SLC4A5: variants seen among roughly 807,000 people sequenced by gnomAD.
SLC4A5 encodes electrogenic sodium bicarbonate cotransporter 4.
SLC4A5 carries 96 observed loss-of-function variants against 120.4 expected under a neutral mutation model. The ratio of observed to expected loss-of-function variants is 0.80; its 90% confidence interval spans 0.68 to 0.94. The LOEUF (loss-of-function observed/expected upper bound fraction) is 0.94, where lower values mean the gene tolerates loss of function less well. SLC4A5 is among the 40% of genes least tolerant of loss of function. SLC4A5 has a pLI of 0.00. For missense variants in SLC4A5, 1,259 were observed against 1,459.5 expected (o/e 0.86, Z 2.24); for synonymous variants, 550 against 571.1 (o/e 0.96, Z 0.53).
At chr2:74,219,455 A>G (rs561896969) in intron 30 of SLC4A5, among the ~76,000 whole-genome samples, 11 of 152,144 alleles carry the variant, frequency 7.2e-5, no homozygotes, top group African/African-American at 2.4e-4. Context: ...TAGATCATTG[A>G]TGCTTAGTCT....
At chr2:74,258,703 C>T (rs1671044196) in intron 12 of SLC4A5, among the ~76,000 whole-genome samples, 1 of 152,140 alleles carries the variant, frequency 6.6e-6, no homozygotes, top group African/African-American at 2.4e-5. Context: ...GAAAATAGTG[C>T]CTTTGTGATT....
intron 5 of SLC4A5, among the ~76,000 whole-genome samples, chr2:74,317,024 C>T (rs1206579711): frequency 6.6e-6 from 1 of 152,238 alleles, no homozygotes; most frequent in Non-Finnish European, 1.5e-5. Context: ...GTTCAATACA[C>T]ATGCATCAGG....
intron 12 of SLC4A5, among the ~76,000 whole-genome samples, chr2:74,258,943 C>G (rs1671051753): frequency 6.6e-6 from 1 of 152,296 alleles, no homozygotes; most frequent in East Asian, 1.9e-4. Context: ...TCTTCCTACT[C>G]CTGGGGAGAT....
chr2:74,315,307 G>A (rs1033103945), intron 5 of SLC4A5, among the ~76,000 whole-genome samples: 4 of 152,046 alleles, frequency 2.6e-5, no homozygotes, highest in Admixed American at 6.5e-5. Flanking sequence ...AGATGTGGTG[G>A]CATTCACCTA....
At chr2:74,316,555 A>G (rs186863536) in intron 5 of SLC4A5, among the ~76,000 whole-genome samples, 51 of 152,332 alleles carry the variant, frequency 3.3e-4, no homozygotes, top group Non-Finnish European at 6.0e-4. Flanking sequence ...TAAGACTGAC[A>G]GAACAGACCC....
exon 19 of SLC4A5, chr2:74,247,154 G>A (rs891516899): frequency 6.2e-7 from 1 of 1,614,232 alleles, no homozygotes; most frequent in Non-Finnish European, 8.5e-7. Flanking sequence ...CGTAGATGAA[G>A]ATGAAGCTGA....
intron 7 of SLC4A5, among the ~76,000 whole-genome samples, chr2:74,296,430 G>A (rs1672328200): frequency 1.3e-5 from 2 of 151,684 alleles, no homozygotes; most frequent in Admixed American, 1.3e-4. Flanking sequence ...ACAAAGGTGA[G>A]GAAGCCACCC....
In SLC4A5 at chr2:74,274,361, A is replaced by C. The variant is rs1265961661; in HGVS notation, c.402-9097T>G. On this transcript the variant is annotated intron_variant, in intron 8 of 30. Coordinates refer to ENST00000394019, the Ensembl canonical transcript of SLC4A5. ...GCCCATTCTTACAATTTATTTGGCTAATTCATGCTACATAAAATCACATGC... is the reference window on the plus strand; with the variant it reads ...GCCCATTCTTACAATTTATTTGGCTCATTCATGCTACATAAAATCACATGC... 2.0e-5 allele frequency among the ~76,000 whole-genome samples: 3 copies of C among 152,372 alleles called. No individual in the cohort carries two copies. The East Asian group carries it at 5.8e-4, about 29-fold the overall frequency.
intron 11 of SLC4A5, among the ~76,000 whole-genome samples, chr2:74,260,018 G>C (rs566105821): frequency 6.6e-6 from 1 of 152,324 alleles, no homozygotes; most frequent in East Asian, 1.9e-4. Context: ...GTGTCACTTA[G>C]CTTGGAATTT....
At chr2:74,225,821 A>G (rs1342967479) in intron 27 of SLC4A5, among the ~76,000 whole-genome samples, 3 of 152,194 alleles carry the variant, frequency 2.0e-5, no homozygotes, top group African/African-American at 4.8e-5. Context: ...AAAAAAATCA[A>G]TAGGTGGAGG....
chr2:74,300,792 C>T (rs1221571719), intron 7 of SLC4A5, among the ~76,000 whole-genome samples: 1 of 152,190 alleles, frequency 6.6e-6, no homozygotes, highest in Non-Finnish European at 1.5e-5. Context: ...AACTTTGCAG[C>T]AAGGGGCTGC....
chr2:74,242,056 T>C lies in SLC4A5; in HGVS notation c.2060-4A>G. ...GCATTGAACACGGTTGTATTCACTGTGGATGAGCACATGACACGGGGCAGG... is the reference window on the plus strand; with the variant it reads ...GCATTGAACACGGTTGTATTCACTGCGGATGAGCACATGACACGGGGCAGG... On this transcript the variant is annotated splice_polypyrimidine_tract_variant and splice_region_variant and intron_variant, in intron 19 of 30. Transcript: ENST00000394019. 6.2e-7 allele frequency: 1 copy of C among 1,604,256 alleles called. No homozygotes were observed. Among genetic ancestry groups the C allele is most frequent in the Non-Finnish European group, 8.5e-7 (1 of 1,173,542 alleles).
At position 74,250,684 on chromosome 2, in the gene SLC4A5, T is replaced by A. The variant is rs1670762016; in HGVS notation, c.1479-167A>T. The A allele has an allele frequency of 5.2e-6, 4 of 771,918 alleles. No homozygotes were observed. The South Asian group carries it at 7.2e-5, about 14-fold the overall frequency. 47.8% of individuals were successfully genotyped at this position (771,918 alleles called of 1,614,324 possible). A position where few individuals can be genotyped will look rare whatever the true frequency, so the allele number is the denominator to read the frequency against. ...ATTTAGGGCCAGGGATGAATTCCTG[T>A]AGGACTGAGTTTGTGGTTGGCACCA... On this transcript the variant is annotated intron_variant, in intron 16 of 30. Coordinates refer to ENST00000394019, the Ensembl canonical transcript of SLC4A5.
At chr2:74,248,404 C>T in exon 18 of SLC4A5, 2 of 1,614,166 alleles carry the variant, frequency 1.2e-6, no homozygotes, top group African/African-American at 1.3e-5. Context: ...CCCCGTGCTG[C>T]TGAGAATGAT....
At chr2:74,322,491 A>G (rs1673121479) in intron 5 of SLC4A5, among the ~76,000 whole-genome samples, 1 of 152,202 alleles carries the variant, frequency 6.6e-6, no homozygotes, top group Admixed American at 6.5e-5. Flanking sequence ...CACCAACTTC[A>G]GGTTACTTCT....
intron 20 of SLC4A5, 82 bp downstream of exon 20, chr2:74,241,912 T>G: frequency 7.6e-7 from 1 of 1,320,676 alleles, no homozygotes; most frequent in Non-Finnish European, 1.1e-6. Flanking sequence ...AGGCCATAAG[T>G]TGGTCTCATT....
intron 7 of SLC4A5, among the ~76,000 whole-genome samples, chr2:74,286,986 C>T (rs1163863068): frequency 1.3e-5 from 2 of 152,166 alleles, no homozygotes; most frequent in African/African-American, 4.8e-5. Context: ...ACAGGCTAGA[C>T]ACCCTGGAGT....
intron 20 of SLC4A5, among the ~76,000 whole-genome samples, chr2:74,241,432 G>A (rs1268241874): frequency 6.6e-6 from 1 of 151,360 alleles, no homozygotes; most frequent in Non-Finnish European, 1.5e-5. Flanking sequence ...CACCCAGCTC[G>A]TATCATATTA....
chr2:74,219,413 C>T (rs544953564), intron 30 of SLC4A5, among the ~76,000 whole-genome samples: 1 of 152,060 alleles, frequency 6.6e-6, no homozygotes, highest in South Asian at 2.1e-4. Context: ...GCCTTTCTTT[C>T]CACATCCTCA....
Sources: gnomAD v4.1 joint callset for allele counts (sites outside exome capture counted in the v4.1 genomes callset) on GRCh38, gnomAD v4.1.1 for gene constraint, MANE v1.5 for transcripts, NCBI Gene and HGNC (gene_info 2026-07-23, HGNC 2026-07-21) for gene names.